ROBO2: variants seen among roughly 807,000 people sequenced by gnomAD.
ROBO2 encodes the protein roundabout homolog 2.
ROBO2 carries 53 observed loss-of-function variants against 160.8 expected under a neutral mutation model. The observed-to-expected ratio is 0.33, with a 90% CI of 0.26 to 0.41. ROBO2 has a LOEUF of 0.41. ROBO2 is among the 10% of genes least tolerant of loss of function. The probability of loss-of-function intolerance (pLI) is 1.00; values close to 1 mark genes in which losing one functional copy is unlikely to be tolerated. For synonymous variants in ROBO2, 664 were observed against 611.7 expected (o/e 1.09, Z -1.26); for missense variants, 1,577 against 1,722.4 (o/e 0.92, Z 1.49).
intron 2 of ROBO2, among the ~76,000 whole-genome samples, chr3:76,395,113 T>G (rs1319945619): frequency 1.3e-5 from 2 of 151,756 alleles, no homozygotes; most frequent in East Asian, 1.9e-4. Flanking sequence ...GAATAGAAAT[T>G]ATAACAAACT....
rs1578577516 is a variant in ROBO2 at position 76,617,767 on chromosome 3, A to ACTCAC, written c.110-480247_110-480246insCTCAC. 5.3e-5 allele frequency among the ~76,000 whole-genome samples: 8 copies of ACTCAC among 151,972 alleles called. No individual in the cohort carries two copies. The South Asian group carries it at 8.5e-4, about 16-fold the overall frequency. ...AGACTATGCAATTTATAAAGAAAAG[A>ACTCAC]GATGTAACTGATTTACAGTTCTGCA... is the stretch of plus-strand genomic sequence containing the variant. On this transcript the variant is annotated intron_variant, in intron 2 of 26. Transcript: ENST00000487694.
chr3:75,909,626 T>C (rs1946481887), intron 1 of ROBO2, among the ~76,000 whole-genome samples: 1 of 152,206 alleles, frequency 6.6e-6, no homozygotes, highest in Admixed American at 6.5e-5. Context: ...ACTTAAATTT[T>C]CTGGAATGTC....
At chr3:77,086,812 G>T (rs954729025) in intron 1 of ROBO2, among the ~76,000 whole-genome samples, 4 of 152,064 alleles carry the variant, frequency 2.6e-5, no homozygotes, top group African/African-American at 9.7e-5. Flanking sequence ...CTATTGGATT[G>T]TAATCTTATT....
intron 2 of ROBO2, among the ~76,000 whole-genome samples, chr3:76,295,327 C>G (rs1307651008): frequency 6.6e-6 from 1 of 152,002 alleles, no homozygotes; most frequent in Non-Finnish European, 1.5e-5. Context: ...AAAAGAGCCA[C>G]CAGGACTATG....
chr3:77,316,563 T>A (rs1208663776), intron 2 of ROBO2, among the ~76,000 whole-genome samples: 1 of 152,170 alleles, frequency 6.6e-6, no homozygotes, highest in African/African-American at 2.4e-5. Flanking sequence ...TGAAAGGATC[T>A]TTTTTGGAAA....
intron 2 of ROBO2, among the ~76,000 whole-genome samples, chr3:76,882,086 T>G (rs1297721694): frequency 4.2e-5 from 6 of 144,368 alleles, no homozygotes; most frequent in African/African-American, 1.3e-4. Flanking sequence ...CGTAGGTTGG[T>G]TGTGTGTGTG....
chr3:77,038,786 A>G (rs1033743061), upstream of ROBO2, among the ~76,000 whole-genome samples: 8 of 152,270 alleles, frequency 5.3e-5, no homozygotes, highest in Non-Finnish European at 1.5e-5. Context: ...CCTGAATGGC[A>G]TCCTTTGGTA....
At chr3:76,462,991 T>C (rs559995643) in intron 2 of ROBO2, among the ~76,000 whole-genome samples, 1 of 151,654 alleles carries the variant, frequency 6.6e-6, no homozygotes, top group Non-Finnish European at 1.5e-5. Context: ...GTCTGAACAG[T>C]GTGTAGGTCC....
intron 2 of ROBO2, among the ~76,000 whole-genome samples, chr3:77,325,233 A>G (rs2153435929): frequency 6.6e-6 from 1 of 152,316 alleles, no homozygotes; most frequent in South Asian, 2.1e-4. Context: ...CCTACAGAGG[A>G]AAGAAAATGA....
At chr3:77,487,017 C>A (rs902165916) in intron 4 of ROBO2, among the ~76,000 whole-genome samples, 1 of 152,096 alleles carries the variant, frequency 6.6e-6, no homozygotes, top group East Asian at 1.9e-4. Flanking sequence ...GAGAACTAAC[C>A]ATTTTGGGGA....
rs138661803 is a variant in ROBO2, at chr3:76,466,770, C to T, written c.109+529168C>T. 5.8e-3 allele frequency among the ~76,000 whole-genome samples: 881 copies of T among 152,008 alleles called. 15 individuals carry two copies. The highest frequency in any genetic ancestry group is 3.9e-3 in the Non-Finnish European group (264 of 67,904). ...TTTTGTACATTCAGAACATCAGGGACCCTCTGTGACATCTAATCTTTAGAT... is the reference window on the plus strand; with the variant it reads ...TTTTGTACATTCAGAACATCAGGGATCCTCTGTGACATCTAATCTTTAGAT... On this transcript the variant is annotated intron_variant, in intron 2 of 26. Transcript: ENST00000487694.
At chr3:77,289,220 GT>G (rs2060860178) in intron 2 of ROBO2, among the ~76,000 whole-genome samples, 1 of 152,128 alleles carries the variant, frequency 6.6e-6, no homozygotes, top group African/African-American at 2.4e-5. Context: ...GTTAATAGCA[GT>G]TTTTAGCCAG....
chr3:76,928,785 G>C (rs191811556), intron 2 of ROBO2, among the ~76,000 whole-genome samples: 6 of 152,284 alleles, frequency 3.9e-5, no homozygotes, highest in Admixed American at 3.3e-4. Flanking sequence ...GGAGAGCCCT[G>C]AGACTTTCTG....
intron 2 of ROBO2, among the ~76,000 whole-genome samples, chr3:76,169,003 G>A (rs1559608759): frequency 6.6e-6 from 1 of 151,776 alleles, no homozygotes; most frequent in Non-Finnish European, 1.5e-5. Flanking sequence ...ATTCCCTGTA[G>A]TACTATCTAA....
intron 2 of ROBO2, among the ~76,000 whole-genome samples, chr3:76,995,679 A>G (rs1166085126): frequency 6.6e-6 from 1 of 152,000 alleles, no homozygotes; most frequent in Non-Finnish European, 1.5e-5. Context: ...TGTGGTTTTG[A>G]TTTGTATTTC....
At chr3:76,928,028 G>A (rs559857788) in intron 2 of ROBO2, among the ~76,000 whole-genome samples, 8 of 152,242 alleles carry the variant, frequency 5.3e-5, no homozygotes, top group Admixed American at 1.3e-4. Flanking sequence ...AATCCTCAGC[G>A]TCTGTGAGTA....
chr3:76,306,255 A>G (rs2071336215), intron 2 of ROBO2, among the ~76,000 whole-genome samples: 1 of 152,184 alleles, frequency 6.6e-6, no homozygotes, highest in Non-Finnish European at 1.5e-5. Context: ...ATAAAATTTG[A>G]TGTATTTTTT....
intron 22 of ROBO2, 49 bp downstream of exon 23, chr3:77,617,822 A>AT: frequency 3.1e-6 from 5 of 1,599,922 alleles, no homozygotes; most frequent in Non-Finnish European, 4.3e-6. Context: ...ACACATGGAA[A>AT]TTTTTTTCAG....
At chr3:77,205,606 G>C (rs944328323) in intron 2 of ROBO2, among the ~76,000 whole-genome samples, 1 of 151,972 alleles carries the variant, frequency 6.6e-6, no homozygotes, top group African/African-American at 2.4e-5. Context: ...ACTTGAGGGT[G>C]GGGCCTTTGC....
Sources: gnomAD v4.1 joint callset for allele counts (sites outside exome capture counted in the v4.1 genomes callset) on GRCh38, gnomAD v4.1.1 for gene constraint, MANE v1.5 for transcripts, NCBI Gene and HGNC (gene_info 2026-07-23, HGNC 2026-07-21) for gene names.